Variants in KCNN3 observed in about 807,000 individuals in gnomAD.
KCNN3 encodes the protein potassium calcium-activated channel subfamily N member 3, also known as small conductance calcium-activated potassium channel protein 3.
KCNN3 carries 16 observed loss-of-function variants against 62.9 expected under a neutral mutation model. The ratio of observed to expected loss-of-function variants is 0.25; its 90% CI spans 0.17 to 0.39. KCNN3 has a LOEUF of 0.39. Ranked by LOEUF, KCNN3 falls within the 10% of genes least tolerant of loss-of-function variation. KCNN3 has a pLI of 1.00. For missense variants in KCNN3, 599 were observed against 949.4 expected, an observed-to-expected ratio of 0.63 and a Z score of 4.85; for synonymous variants, 370 against 389.2, an observed-to-expected ratio of 0.95 and a Z score of 0.58.
At chr1:154,712,447 T>C (rs942925882) in intron 7 of KCNN3, among the ~76,000 whole-genome samples, 6 of 152,174 alleles carry the variant, frequency 3.9e-5, no homozygotes, top group African/African-American at 1.2e-4. Flanking sequence ...TACTCCCCGA[T>C]TGAAGTCCTC....
chr1:154,795,311 T>C (rs1649685646), intron 2 of KCNN3, among the ~76,000 whole-genome samples: 2 of 152,166 alleles, frequency 1.3e-5, no homozygotes, highest in Admixed American at 1.3e-4. Context: ...TGGTCACCCA[T>C]TGGTAGGCTG....
At position 154,701,104 on chromosome 1, in the gene KCNN3, C is replaced by T. The variant is rs568510194; in HGVS notation, c.*6872G>A. On this transcript the variant is annotated 3_prime_UTR_variant, in exon 8 of 8. Transcript: ENST00000271915. ...CTCAGCTACACAAACAGACTGAAAA[C>T]GGGCATTTAGACATTTCTCTTTCAA... 5.9e-5 allele frequency: 9 copies of T among 152,060 alleles called. No individual in the cohort carries two copies. Among genetic ancestry groups the T allele is most frequent in the Non-Finnish European group, 8.8e-5 (6 of 67,998 alleles). 9.4% of individuals were successfully genotyped at this position (152,060 alleles called of 1,614,324 possible). A position where few individuals can be genotyped will look rare whatever the true frequency, so the allele number is the denominator to read the frequency against.
In KCNN3 at chr1:154,782,193, T is replaced by C. The variant is rs993995951; in HGVS notation, c.1030-9800A>G. On this transcript the variant is annotated intron_variant, in intron 2 of 7. Transcript: ENST00000271915. ...GGACCTTGGATGTCACAGAAGGAGCTTCCTCAAAGGACAGGAGACCACAGA... is the reference window on the plus strand; with the variant it reads ...GGACCTTGGATGTCACAGAAGGAGCCTCCTCAAAGGACAGGAGACCACAGA... Among the ~76,000 whole-genome samples, 42 of 152,252 alleles carry C rather than the reference T, an allele frequency of 2.8e-4. No individual in the cohort carries two copies. The Middle Eastern group carries it at 0.01, about 37-fold the overall frequency.
intron 3 of KCNN3, among the ~76,000 whole-genome samples, chr1:154,736,013 T>C (rs1342686488): frequency 6.6e-6 from 1 of 152,180 alleles, no homozygotes; most frequent in Non-Finnish European, 1.5e-5. Flanking sequence ...AAGATAAGTC[T>C]TGGGTAAGGT....
At chr1:154,822,062 A>C (rs747827093) in intron 2 of KCNN3, 27 bp downstream of exon 2, 2 of 1,559,576 alleles carry the variant, frequency 1.3e-6, no homozygotes, top group Non-Finnish European at 1.8e-6. Context: ...CAGCCGCTGC[A>C]TGAAGGGGTG....
chr1:154,781,843 A>C (rs1649066349), intron 2 of KCNN3, among the ~76,000 whole-genome samples: 1 of 152,246 alleles, frequency 6.6e-6, no homozygotes, highest in African/African-American at 2.4e-5. Flanking sequence ...CAGAGCTTAC[A>C]TTTCAGGGGA....
At chr1:154,813,802 C>T (rs1650537952) in intron 2 of KCNN3, among the ~76,000 whole-genome samples, 1 of 152,204 alleles carries the variant, frequency 6.6e-6, no homozygotes, top group East Asian at 1.9e-4. Flanking sequence ...ACAAGCCTTG[C>T]TGCCACCACG....
chr1:154,777,785 G>A (rs1046746071), intron 2 of KCNN3, among the ~76,000 whole-genome samples: 2 of 152,228 alleles, frequency 1.3e-5, no homozygotes, highest in Admixed American at 6.5e-5. Flanking sequence ...TGTGGACAGA[G>A]TGTGGCATGG....
intron 1 of KCNN3, 45 bp from the exon 2 acceptor site, chr1:154,822,229 G>T: frequency 7.2e-7 from 1 of 1,393,482 alleles, no homozygotes. Flanking sequence ...GCGGGGAAAG[G>T]AGCGTCTCAC....
At chr1:154,721,574 T>C (rs971840913) in intron 5 of KCNN3, among the ~76,000 whole-genome samples, 3 of 152,128 alleles carry the variant, frequency 2.0e-5, no homozygotes, top group African/African-American at 7.2e-5. Context: ...GTGCTGGGAT[T>C]ACAGGCGTGA....
At chr1:154,850,257 C>T (rs1426813978) in intron 1 of KCNN3, among the ~76,000 whole-genome samples, 3 of 152,186 alleles carry the variant, frequency 2.0e-5, no homozygotes, top group Non-Finnish European at 4.4e-5. Context: ...GCACCATCAC[C>T]CCAATGAAAC....
intron 1 of KCNN3, among the ~76,000 whole-genome samples, chr1:154,824,438 C>T (rs1651027346): frequency 6.6e-6 from 1 of 152,188 alleles, no homozygotes; most frequent in Non-Finnish European, 1.5e-5. Flanking sequence ...CTTCCTGGTG[C>T]CTGAAATGCT....
Position 154,726,458 on chromosome 1 carries a change from G to C in KCNN3, c.1591-432C>G, listed in dbSNP as rs578096894. On this transcript the variant is annotated intron_variant, in intron 4 of 7. Transcript: ENST00000271915. ...CTGCCAGCTCTAGACCAGCAGGCCTGGGAGGAAAGAAGGTAGGCCATCAGC... is the reference window on the plus strand; with the variant it reads ...CTGCCAGCTCTAGACCAGCAGGCCTCGGAGGAAAGAAGGTAGGCCATCAGC... Among the ~76,000 whole-genome samples, 234 of 152,322 alleles carry C rather than the reference G, an allele frequency of 1.5e-3. 1 individual carries two copies. The highest frequency in any genetic ancestry group is 5.2e-3 in the African/African-American group (215 of 41,574).
chr1:154,841,113 G>T (rs1651808255), intron 1 of KCNN3, among the ~76,000 whole-genome samples: 2 of 152,206 alleles, frequency 1.3e-5, no homozygotes, highest in South Asian at 4.1e-4. Flanking sequence ...GAGGGCGCAA[G>T]GGAGGGTCTT....
chr1:154,751,563 C>T (rs755337569), intron 3 of KCNN3, among the ~76,000 whole-genome samples: 1 of 152,182 alleles, frequency 6.6e-6, no homozygotes, highest in African/African-American at 2.4e-5. Flanking sequence ...CCACTGGACA[C>T]CTGGGGTGCC....
intron 5 of KCNN3, among the ~76,000 whole-genome samples, chr1:154,724,896 G>A (rs1700428633): frequency 2.0e-5 from 3 of 149,054 alleles, no homozygotes; most frequent in East Asian, 1.9e-4. Context: ...TTGCTCTGTC[G>A]CCCAGGCTGG....
chr1:154,771,106 A>AATAT (rs1648540863), intron 3 of KCNN3, among the ~76,000 whole-genome samples: 1 of 138,736 alleles, frequency 7.2e-6, no homozygotes. Context: ...TAAATAAATA[A>AATAT]ATAAAATGAA....
chr1:154,804,671 T>C (rs1650096207), intron 2 of KCNN3, among the ~76,000 whole-genome samples: 1 of 152,184 alleles, frequency 6.6e-6, no homozygotes, highest in African/African-American at 2.4e-5. Flanking sequence ...ACAAGAGTAG[T>C]AGCAATACTG....
At chr1:154,836,091 C>T (rs1334068438) in intron 1 of KCNN3, among the ~76,000 whole-genome samples, 2 of 152,180 alleles carry the variant, frequency 1.3e-5, no homozygotes, top group Non-Finnish European at 2.9e-5. Context: ...GCAGCCCTTA[C>T]CTTGAGCATT....
Sources: allele counts gnomAD v4.1 joint callset (sites outside exome capture counted in the v4.1 genomes callset), GRCh38; gene constraint gnomAD v4.1.1; transcripts MANE v1.5; gene names NCBI Gene and HGNC (gene_info 2026-07-23, HGNC 2026-07-21).